The following CEP83 variants were observed in gnomAD, a reference collection of about 807,000 sequenced individuals.
CEP83 encodes centrosomal protein of 83 kDa.
A neutral mutation model predicts 101.9 loss-of-function variants in CEP83; 70 were observed. The observed-to-expected ratio is 0.69, with a 90% confidence interval of 0.57 to 0.84. CEP83 has a LOEUF of 0.84. Among genes scored for constraint, CEP83 ranks in the 40% least tolerant of loss-of-function variants. The pLI, the probability that CEP83 is intolerant of heterozygous loss-of-function variation, is 0.00. For synonymous variants in CEP83, 264 were observed against 267.9 expected, an observed-to-expected ratio of 0.99 and a Z score of 0.14; for missense variants, 715 against 787.2, an observed-to-expected ratio of 0.91 and a Z score of 1.10.
chr12:94,450,084 C>A (rs1383274769), intron 1 of CEP83, among the ~76,000 whole-genome samples: 1 of 152,104 alleles, frequency 6.6e-6, no homozygotes, highest in African/African-American at 2.4e-5. Context: ...ATGTTTTCCC[C>A]CTAAGACTGG....
At chr12:94,294,603 CCT>C in the CEP83 span, 1 of 724,882 alleles carries the variant, frequency 1.4e-6, no homozygotes, top group South Asian at 1.6e-5. Context: ...TTGCTTTTTG[CCT>C]CTCTCAGCTG....
chr12:94,436,393 G>C (rs2065990198), intron 1 of CEP83, among the ~76,000 whole-genome samples: 1 of 151,272 alleles, frequency 6.6e-6, no homozygotes. Flanking sequence ...ATAAAAAAAA[G>C]ACAACCACAA....
chr12:94,430,036 G>C (rs2065501502), intron 2 of CEP83, among the ~76,000 whole-genome samples: 1 of 151,994 alleles, frequency 6.6e-6, no homozygotes, highest in African/African-American at 2.4e-5. Flanking sequence ...AACACAGCCA[G>C]CACCTATACG....
rs2059341442 is a variant in CEP83, at chr12:94,333,816, T to C, written c.1420-177A>G. 5.2e-6 allele frequency: 3 copies of C among 580,570 alleles called. No homozygotes were observed. The Admixed American group carries it at 1.0e-4, about 20-fold the overall frequency. The allele number at this position is 580,570 out of a possible 1,614,324, so 36.0% of individuals were successfully genotyped here. A position where few individuals can be genotyped will look rare whatever the true frequency, so the allele number is the denominator to read the frequency against. On this transcript the variant is annotated intron_variant, in intron 12 of 16. Coordinates refer to ENST00000397809, the MANE Select transcript of CEP83 (RefSeq NM_016122.3). Reference sequence around the variant, plus strand: ...CAGCACCCAGGAGCATTTCTTATTATAATCAGAGACTATCAAGAACTATAT... The same window carrying C: ...CAGCACCCAGGAGCATTTCTTATTACAATCAGAGACTATCAAGAACTATAT...
At chr12:94,368,369 G>A (rs2137018739) in intron 9 of CEP83, 168 bp from the exon 10 acceptor site, 1 of 569,048 alleles carries the variant, frequency 1.8e-6, no homozygotes, top group Non-Finnish European at 3.0e-6. Flanking sequence ...CTTAAAATAA[G>A]AATGAAACAG....
At chr12:94,304,352 G>T, downstream of CEP83, 1 of 256,574 alleles carries the variant, frequency 3.9e-6, no homozygotes, top group African/African-American at 2.2e-5. Context: ...ATTAAATGGG[G>T]TCAGCTTATG....
chr12:94,416,569 CACACAAAAAA>C (rs1225344792), intron 2 of CEP83, among the ~76,000 whole-genome samples: 4 of 110,274 alleles, frequency 3.6e-5, no homozygotes, highest in African/African-American at 1.2e-4. Flanking sequence ...CACACACACA[CACACAAAAAA>C]AAAAAAACTG....
intron 2 of CEP83, among the ~76,000 whole-genome samples, chr12:94,423,113 T>A (rs1022182592): frequency 1.3e-5 from 2 of 152,158 alleles, no homozygotes; most frequent in African/African-American, 2.4e-5. Context: ...AGATGGAGTT[T>A]CACTCTTGTT....
At chr12:94,399,518 G>T (rs2063123044) in intron 6 of CEP83, among the ~76,000 whole-genome samples, 1 of 152,104 alleles carries the variant, frequency 6.6e-6, no homozygotes, top group South Asian at 2.1e-4. Context: ...GAGATCAGCT[G>T]GGGCAACATA....
the CEP83 span, chr12:94,279,718 C>T: frequency 3.0e-6 from 4 of 1,342,892 alleles, no homozygotes; most frequent in African/African-American, 5.1e-5. Flanking sequence ...CCCTCCCTCC[C>T]TGTCCCCCCT....
chr12:94,287,095 C>T, the CEP83 span, among the ~76,000 whole-genome samples: 1 of 152,226 alleles, frequency 6.6e-6, no homozygotes, highest in African/African-American at 2.4e-5. Flanking sequence ...TTAATGTCCA[C>T]AAAAACCCTG....
At chr12:94,421,013 ATTG>A (rs1196772452) in intron 2 of CEP83, among the ~76,000 whole-genome samples, 3 of 151,840 alleles carry the variant, frequency 2.0e-5, no homozygotes, top group Non-Finnish European at 4.4e-5. Context: ...TCAGCTGTAC[ATTG>A]TTGTGTACTT....
the CEP83 span, among the ~76,000 whole-genome samples, chr12:94,292,097 T>C: frequency 6.6e-6 from 1 of 152,230 alleles, no homozygotes; most frequent in Non-Finnish European, 1.5e-5. Context: ...AGTATATTCA[T>C]ACTACATGAA....
chr12:94,442,843 A>C (rs2066512120), intron 1 of CEP83, among the ~76,000 whole-genome samples: 1 of 152,156 alleles, frequency 6.6e-6, no homozygotes, highest in African/African-American at 2.4e-5. Flanking sequence ...TATTTATAAC[A>C]AATTAATCCT....
At chr12:94,412,855 A>ATTTT (rs750845100) in intron 2 of CEP83, among the ~76,000 whole-genome samples, 1 of 137,076 alleles carries the variant, frequency 7.3e-6, no homozygotes, top group Non-Finnish European at 1.6e-5. Flanking sequence ...TACCCGGCTA[A>ATTTT]TTTTTTTTTT....
intron 15 of CEP83, among the ~76,000 whole-genome samples, chr12:94,311,749 TCCAGG>T (rs1305751657): frequency 1.3e-5 from 2 of 152,224 alleles, no homozygotes; most frequent in Non-Finnish European, 2.9e-5. Context: ...AGGCTAACTT[TCCAGG>T]CCTTCACAGA....
chr12:94,379,507 A>G (rs2061721057), intron 6 of CEP83, among the ~76,000 whole-genome samples: 1 of 152,182 alleles, frequency 6.6e-6, no homozygotes, highest in Non-Finnish European at 1.5e-5. Flanking sequence ...TGTACATAAA[A>G]GCAAATGTGA....
At chr12:94,443,720 C>A (rs1235783764) in intron 1 of CEP83, among the ~76,000 whole-genome samples, 1 of 152,116 alleles carries the variant, frequency 6.6e-6, no homozygotes, top group Non-Finnish European at 1.5e-5. Flanking sequence ...CTCCTGACTT[C>A]AAGTGATCCA....
At position 94,353,990 on chromosome 12, in the gene CEP83, A is replaced by G. The variant is rs577899093; in HGVS notation, c.1343+13804T>C. Among the ~76,000 whole-genome samples, 3 of 152,324 alleles carry G rather than the reference A, an allele frequency of 2.0e-5. No individual in the cohort carries two copies. The South Asian group carries it at 6.2e-4, about 32-fold the overall frequency. ...AAACACCAGAGAACCAAGATATATT[A>G]AAGCAAATATAATTATTATCTAAGG... On this transcript the variant is annotated intron_variant, in intron 11 of 16. Transcript: ENST00000397809.
Sources: allele counts gnomAD v4.1 joint callset (sites outside exome capture counted in the v4.1 genomes callset), GRCh38; gene constraint gnomAD v4.1.1; transcripts MANE v1.5; gene names NCBI Gene and HGNC (gene_info 2026-07-23, HGNC 2026-07-21).